Variants in SSBP2 observed in about 807,000 individuals in gnomAD.
The protein encoded by SSBP2 is single stranded DNA binding protein 2.
In SSBP2, 17 loss-of-function variants were observed where a neutral mutation model predicts 61.8. The ratio of observed to expected loss-of-function variants is 0.28; its 90% CI spans 0.19 to 0.41. The LOEUF is 0.41. Among genes scored for constraint, SSBP2 ranks in the 10% least tolerant of loss-of-function variants. SSBP2 has a pLI of 1.00. For missense variants in SSBP2, 310 were observed against 458.7 expected, an observed-to-expected ratio of 0.68 and a Z score of 2.96; for synonymous variants, 139 against 141.3, an observed-to-expected ratio of 0.98 and a Z score of 0.12.
intron 1 of SSBP2, among the ~76,000 whole-genome samples, chr5:81,720,087 G>A (rs893139039): frequency 4.6e-5 from 7 of 152,110 alleles, no homozygotes; most frequent in African/African-American, 1.7e-4. Context: ...AGATGTCAAA[G>A]CATCATAAAA....
rs184241491 is a variant in SSBP2 at position 81,639,467 on chromosome 5, T to C, written c.136-2849A>G. Among the ~76,000 whole-genome samples the C allele has an allele frequency of 3.3e-3, 508 of 152,134 alleles. 4 individuals are homozygous for C. The highest frequency in any genetic ancestry group is 7.5e-3 in the South Asian group (36 of 4,826). On this transcript the variant is annotated intron_variant, in intron 2 of 16. Coordinates refer to ENST00000320672, the MANE Select transcript of SSBP2 (RefSeq NM_012446.5). ...GGAAATTACACCTCAGTAAGGAAGA[T>C]AGACCCAAACAAAGAAACAAACAAA...
chr5:81,430,479 CAGTT>C (rs1321559005), intron 15 of SSBP2, among the ~76,000 whole-genome samples: 4 of 152,214 alleles, frequency 2.6e-5, no homozygotes, highest in Non-Finnish European at 2.9e-5. Context: ...ATCTCAGACT[CAGTT>C]AGGGTGCTTT....
chr5:81,748,237 ATGAG>A (rs1302996552), intron 1 of SSBP2, among the ~76,000 whole-genome samples: 1 of 152,230 alleles, frequency 6.6e-6, no homozygotes, highest in Non-Finnish European at 1.5e-5. Context: ...TTTTGTTAAA[ATGAG>A]TATTTGTTAC....
chr5:81,501,015 A>G (rs949795850), intron 5 of SSBP2, among the ~76,000 whole-genome samples: 1 of 149,342 alleles, frequency 6.7e-6, no homozygotes. Context: ...GGAGTTTGAA[A>G]CCAGCCTGGC....
chr5:81,552,979 T>A (rs1189894065), intron 4 of SSBP2, among the ~76,000 whole-genome samples: 1 of 152,130 alleles, frequency 6.6e-6, no homozygotes, highest in African/African-American at 2.4e-5. Flanking sequence ...ATACAAACTG[T>A]CAGGAGTACT....
chr5:81,695,357 T>A (rs866509217), intron 1 of SSBP2, among the ~76,000 whole-genome samples: 1 of 152,206 alleles, frequency 6.6e-6, no homozygotes. Flanking sequence ...TCAAGGATTT[T>A]TTATTATTAT....
intron 1 of SSBP2, among the ~76,000 whole-genome samples, chr5:81,658,382 A>G (rs147401089): frequency 3.3e-5 from 5 of 152,144 alleles, no homozygotes; most frequent in Admixed American, 1.3e-4. Flanking sequence ...ACGGGGATTG[A>G]CTCCAATACC....
At chr5:81,649,449 G>T (rs2153707652) in intron 2 of SSBP2, among the ~76,000 whole-genome samples, 1 of 152,144 alleles carries the variant, frequency 6.6e-6, no homozygotes, top group South Asian at 2.1e-4. Flanking sequence ...GCCTAAAAAA[G>T]AATGAAATCA....
intron 4 of SSBP2, among the ~76,000 whole-genome samples, chr5:81,541,004 A>G (rs536103025): frequency 6.6e-6 from 1 of 152,298 alleles, no homozygotes; most frequent in East Asian, 1.9e-4. Context: ...GTGATTCTAT[A>G]GCTAGAAAAC....
At chr5:81,676,257 T>C (rs1224254996) in intron 1 of SSBP2, among the ~76,000 whole-genome samples, 2 of 152,186 alleles carry the variant, frequency 1.3e-5, no homozygotes, top group Non-Finnish European at 2.9e-5. Flanking sequence ...TTTGGCAATG[T>C]CCTCACTGTC....
chr5:81,467,421 G>A (rs1764963989), intron 8 of SSBP2, among the ~76,000 whole-genome samples: 1 of 151,828 alleles, frequency 6.6e-6, no homozygotes, highest in Admixed American at 6.6e-5. Flanking sequence ...GAAATTGTCA[G>A]ACCCAGCACA....
intron 1 of SSBP2, among the ~76,000 whole-genome samples, chr5:81,650,670 T>C (rs1749647990): frequency 6.6e-6 from 1 of 152,092 alleles, no homozygotes; most frequent in African/African-American, 2.4e-5. Flanking sequence ...GAAGACATAA[T>C]AACCTTTCAT....
intron 4 of SSBP2, among the ~76,000 whole-genome samples, chr5:81,550,973 G>A (rs1251667342): frequency 1.3e-5 from 2 of 151,792 alleles, no homozygotes; most frequent in African/African-American, 2.4e-5. Flanking sequence ...GCAGGCGCCT[G>A]TAGTCCCACC....
intron 8 of SSBP2, among the ~76,000 whole-genome samples, chr5:81,470,032 A>G (rs114696974): frequency 2.0e-3 from 307 of 152,086 alleles, no homozygotes; most frequent in Non-Finnish European, 3.5e-3. Flanking sequence ...ACTGCCCATC[A>G]TAGATCTGAA....
chr5:81,742,153 T>C (rs1757066057), intron 1 of SSBP2, among the ~76,000 whole-genome samples: 1 of 152,218 alleles, frequency 6.6e-6, no homozygotes, highest in Admixed American at 6.5e-5. Flanking sequence ...AACAAAATAC[T>C]ATACATTAAA....
intron 8 of SSBP2, among the ~76,000 whole-genome samples, chr5:81,468,928 T>C (rs949784499): frequency 1.3e-5 from 2 of 151,986 alleles, no homozygotes; most frequent in African/African-American, 2.4e-5. Context: ...GCAGCAGCAG[T>C]ACTAGCAAGG....
chr5:81,417,369 A>T lies in SSBP2; in HGVS notation c.*3135T>A, dbSNP rs1761349716. Reference sequence around the variant, plus strand: ...AGTTAAGAATCATACATACCCTCAGAAAGAATTTGACATGTATTTTCAAAT... The same window carrying T: ...AGTTAAGAATCATACATACCCTCAGTAAGAATTTGACATGTATTTTCAAAT... On this transcript the variant is annotated 3_prime_UTR_variant, in exon 17 of 17. Coordinates refer to ENST00000320672, the MANE Select transcript of SSBP2 (RefSeq NM_012446.5). 1 of 152,234 alleles carries T rather than the reference A, an allele frequency of 6.6e-6. No homozygotes were observed. Among genetic ancestry groups the T allele is most frequent in the African/African-American group, 2.4e-5 (1 of 41,458 alleles). The allele number at this position is 152,234 out of a possible 1,614,324, so 9.4% of individuals were successfully genotyped here.
intron 15 of SSBP2, 49 bp downstream of exon 15, chr5:81,437,381 T>C (rs1239722646): frequency 2.6e-6 from 4 of 1,546,690 alleles, no homozygotes; most frequent in Admixed American, 2.0e-5. Context: ...ATGAGTTCCA[T>C]GTTAAATAAA....
At chr5:81,653,914 C>A (rs1442986661) in intron 1 of SSBP2, among the ~76,000 whole-genome samples, 2 of 152,108 alleles carry the variant, frequency 1.3e-5, no homozygotes, top group African/African-American at 4.8e-5. Flanking sequence ...CCAAACCTAT[C>A]CCTGTAGTGA....
Sources: allele counts gnomAD v4.1 joint callset (sites outside exome capture counted in the v4.1 genomes callset), GRCh38; gene constraint gnomAD v4.1.1; transcripts MANE v1.5; gene names NCBI Gene and HGNC (gene_info 2026-07-23, HGNC 2026-07-21).